CRYBA4: variants seen among roughly 807,000 people sequenced by gnomAD.
CRYBA4 encodes crystallin beta A4, also known as beta-crystallin A4.
In CRYBA4, 30 loss-of-function variants were observed where a neutral mutation model predicts 31.7. That is an observed-to-expected ratio of 0.95 (90% CI 0.71 to 1.28). The LOEUF is 1.28. CRYBA4 is among the 50% of genes most tolerant of loss of function. CRYBA4 has a pLI of 0.00. For synonymous variants in CRYBA4, 102 were observed against 102.3 expected (o/e 1.00, Z 0.02); for missense variants, 225 against 260.7 (o/e 0.86, Z 0.94).
upstream of CRYBA4, among the ~76,000 whole-genome samples, chr22:26,619,466 G>C (rs1929464044): frequency 6.6e-6 from 1 of 152,184 alleles, no homozygotes; most frequent in Non-Finnish European, 1.5e-5. Flanking sequence ...CTGGGGAGCT[G>C]CTCAGCTAGG....
the CRYBA4 span, chr22:26,612,217 G>T: frequency 1.3e-6 from 2 of 1,515,534 alleles, no homozygotes; most frequent in Non-Finnish European, 1.8e-6. Context: ...CCCATGCCAA[G>T]GGCAGAGTGA....
At chr22:26,592,939 C>A in the CRYBA4 span, among the ~76,000 whole-genome samples, 1 of 152,140 alleles carries the variant, frequency 6.6e-6, no homozygotes, top group Non-Finnish European at 1.5e-5. Context: ...GTCTTGTTGT[C>A]TAGGTTGGGA....
At chr22:26,607,688 G>A in the CRYBA4 span, among the ~76,000 whole-genome samples, 1 of 152,142 alleles carries the variant, frequency 6.6e-6, no homozygotes, top group Non-Finnish European at 1.5e-5. Flanking sequence ...TTTGCCCAGG[G>A]TTCCTAGCTG....
At chr22:26,594,915 A>G in the CRYBA4 span, among the ~76,000 whole-genome samples, 3 of 152,200 alleles carry the variant, frequency 2.0e-5, no homozygotes, top group Non-Finnish European at 2.9e-5. Flanking sequence ...TTTAGTTTGA[A>G]GGCAAAAGTG....
At chr22:26,630,032 C>T (rs1452750382) in intron 5 of CRYBA4, among the ~76,000 whole-genome samples, 1 of 152,216 alleles carries the variant, frequency 6.6e-6, no homozygotes, top group African/African-American at 2.4e-5. Flanking sequence ...TACATGAGTG[C>T]TACAAAGGTA....
In CRYBA4 at chr22:26,623,298, G is replaced by A. The variant is rs1929598283; in HGVS notation, c.104G>A (p.Ser35Asn). Residue 35 changes from serine to asparagine, a missense_variant, in exon 3 of 6, where the codon AGC becomes AAC. Physicochemically the swap from Ser to Asn is conservative, Grantham distance 46 (BLOSUM62 1). Coordinates refer to ENST00000354760, the MANE Select transcript of CRYBA4 (RefSeq NM_001886.3). ...CACGAGTTCACGGCCGAGTGCCCCA[G>A]CGTGCTGGAGCTTGGCTTCGAGACT... ...RRHEFTAECP[S>N]VLELGFETVR... 1 of 1,614,090 alleles carries A rather than the reference G, an allele frequency of 6.2e-7. No homozygotes were observed. The highest frequency in any genetic ancestry group is 1.3e-5 in the African/African-American group (1 of 75,036).
the CRYBA4 span, among the ~76,000 whole-genome samples, chr22:26,601,665 T>C: frequency 6.6e-6 from 1 of 151,416 alleles, no homozygotes; most frequent in South Asian, 2.1e-4. Context: ...TTAGAGCTGA[T>C]TTGTTTACAC....
At position 26,630,547 on chromosome 22, in the gene CRYBA4, G is replaced by GC. The variant is rs1414503883; in HGVS notation, c.*61dup. On this transcript the variant is annotated 3_prime_UTR_variant, in exon 6 of 6. Coordinates refer to ENST00000354760, the MANE Select transcript of CRYBA4 (RefSeq NM_001886.3). ...TATCTGCAATGGAGGCGCTCTGGAG[G>GC]CTGTGGTGTGTTCTCTCCTTCTGCC... 8.5e-5 allele frequency: 125 copies of GC among 1,476,076 alleles called. No individual in the cohort carries two copies. Among genetic ancestry groups the GC allele is most frequent in the Non-Finnish European group, 1.2e-4 (124 of 1,076,274 alleles). The allele number at this position is 1,476,076 out of a possible 1,614,324, so 91.4% of individuals were successfully genotyped here.
chr22:26,618,730 T>G (rs1005990456), upstream of CRYBA4, among the ~76,000 whole-genome samples: 2 of 152,242 alleles, frequency 1.3e-5, no homozygotes, highest in Admixed American at 6.5e-5. Flanking sequence ...CTGTCCAGCC[T>G]TGACCTTGGC....
chr22:26,597,767 A>T, the CRYBA4 span, among the ~76,000 whole-genome samples: 2 of 152,230 alleles, frequency 1.3e-5, no homozygotes, highest in Non-Finnish European at 2.9e-5. Context: ...ATTGAGTAAC[A>T]CTGAATCAGA....
chr22:26,606,375 T>A, the CRYBA4 span, among the ~76,000 whole-genome samples: 2 of 152,322 alleles, frequency 1.3e-5, no homozygotes, highest in South Asian at 2.1e-4. Context: ...TTCTTTAAAA[T>A]TTTTTTTACT....
At chr22:26,607,848 C>T in the CRYBA4 span, 28 of 1,613,682 alleles carry the variant, frequency 1.7e-5, no homozygotes, top group African/African-American at 1.2e-4. Context: ...TGCCCTGCCC[C>T]GCCTGGCTGA....
At chr22:26,625,102 A>G (rs2145980372) in intron 3 of CRYBA4, among the ~76,000 whole-genome samples, 1 of 152,310 alleles carries the variant, frequency 6.6e-6, no homozygotes, top group Middle Eastern at 3.4e-3. Flanking sequence ...GTGGACACGG[A>G]CGGAGGAGCA....
upstream of CRYBA4, among the ~76,000 whole-genome samples, chr22:26,619,577 GC>G (rs1929467385): frequency 2.0e-5 from 3 of 152,312 alleles, no homozygotes; most frequent in African/African-American, 4.8e-5. Context: ...TCCCCGTGGA[GC>G]CCAGCTCTGT....
At chr22:26,595,243 G>A in the CRYBA4 span, among the ~76,000 whole-genome samples, 2 of 152,142 alleles carry the variant, frequency 1.3e-5, no homozygotes, top group Admixed American at 6.6e-5. Flanking sequence ...TCTGCCAAGT[G>A]TACATATCTT....
upstream of CRYBA4, among the ~76,000 whole-genome samples, chr22:26,619,964 C>T (rs1017416137): frequency 1.5e-4 from 22 of 150,734 alleles, no homozygotes; most frequent in Non-Finnish European, 2.2e-4. Context: ...TTTGCCCTGT[C>T]TTATGGAGCC....
chr22:26,613,830 A>T, the CRYBA4 span, among the ~76,000 whole-genome samples: 1 of 152,204 alleles, frequency 6.6e-6, no homozygotes, highest in African/African-American at 2.4e-5. Context: ...ACAGAGCCAT[A>T]TTTCTCTTCT....
chr22:26,599,462 G>A, the CRYBA4 span: 17 of 1,592,622 alleles, frequency 1.1e-5, no homozygotes, highest in Middle Eastern at 2.2e-4. Flanking sequence ...AGAAGGGTTG[G>A]GGCAAGGTAG....
chr22:26,623,656 T>C (rs1929613564), intron 3 of CRYBA4, among the ~76,000 whole-genome samples: 1 of 151,948 alleles, frequency 6.6e-6, no homozygotes, highest in Non-Finnish European at 1.5e-5. Flanking sequence ...AAAGCCAACA[T>C]CACCCGCCTA....
Sources: gnomAD v4.1 joint callset for allele counts (sites outside exome capture counted in the v4.1 genomes callset) on GRCh38, gnomAD v4.1.1 for gene constraint, MANE v1.5 for transcripts, NCBI Gene and HGNC (gene_info 2026-07-23, HGNC 2026-07-21) for gene names.